The following RALGAPA2 variants were observed in gnomAD, a reference collection of about 807,000 sequenced individuals.
The protein encoded by RALGAPA2 is Ral GTPase activating protein catalytic subunit alpha 2, also known as ral GTPase-activating protein subunit alpha-2.
A neutral mutation model predicts 230.4 loss-of-function variants in RALGAPA2; 139 were observed. That is an observed-to-expected ratio of 0.60 (90% CI 0.53 to 0.69). The LOEUF is 0.69. Among genes scored for constraint, RALGAPA2 ranks in the 30% least tolerant of loss-of-function variants. The pLI, the probability that RALGAPA2 is intolerant of heterozygous loss-of-function variation, is 0.00. For missense variants in RALGAPA2, 2,163 were observed against 2,276.0 expected (o/e 0.95, Z 1.01); for synonymous variants, 847 against 837.8 (o/e 1.01, Z -0.19).
chr20:20,712,280 A>G lies in RALGAPA2; in HGVS notation c.106+95T>C. On this transcript the variant is annotated intron_variant, in intron 1 of 39. Transcript: ENST00000202677. This position sits in a 1 kb window ranked among gnomAD's most constrained non-coding sequence, Gnocchi z 5.5. The stretch of plus-strand genomic sequence containing the variant: ...CGGACGCCCACCCATCCCCCTCCCC[A>G]GCCTCCCAGCCACCGACCCCTGCAC... 2.5e-6 allele frequency: 1 copy of G among 392,470 alleles called. No individual in the cohort carries two copies. Among genetic ancestry groups the G allele is most frequent in the Non-Finnish European group, 4.4e-6 (1 of 227,788 alleles). 24.3% of individuals were successfully genotyped at this position (392,470 alleles called of 1,614,324 possible).
intron 34 of RALGAPA2, 54 bp downstream of exon 34, chr20:20,505,357 A>G: frequency 1.3e-6 from 2 of 1,485,712 alleles, no homozygotes; most frequent in Non-Finnish European, 9.0e-7. Context: ...TCTAGTTTGG[A>G]CACATCTTTA....
chr20:20,517,665 C>T (rs561873425), intron 31 of RALGAPA2, among the ~76,000 whole-genome samples: 1 of 152,202 alleles, frequency 6.6e-6, no homozygotes, highest in African/African-American at 2.4e-5. Flanking sequence ...AAAACTACTA[C>T]AATCAGCATC....
intron 9 of RALGAPA2, among the ~76,000 whole-genome samples, chr20:20,634,970 G>A (rs2066808098): frequency 6.6e-6 from 1 of 152,206 alleles, no homozygotes; most frequent in Non-Finnish European, 1.5e-5. Flanking sequence ...ATCCTGAGCT[G>A]CTGATCTACT....
intron 37 of RALGAPA2, among the ~76,000 whole-genome samples, chr20:20,415,419 CT>C (rs1232040950): frequency 6.6e-6 from 1 of 152,178 alleles, no homozygotes; most frequent in African/African-American, 2.4e-5. Context: ...TAATTCTGTT[CT>C]GAATTATTAT....
intron 15 of RALGAPA2, 124 bp downstream of exon 15, chr20:20,605,049 TTA>T: frequency 1.4e-6 from 1 of 732,052 alleles, no homozygotes; most frequent in Non-Finnish European, 2.3e-6. Flanking sequence ...AATGCCACTA[TTA>T]AGAAGACACT....
intron 4 of RALGAPA2, among the ~76,000 whole-genome samples, chr20:20,651,865 A>G (rs1306522529): frequency 6.6e-6 from 1 of 152,248 alleles, no homozygotes; most frequent in African/African-American, 2.4e-5. Flanking sequence ...ATTGTCAGCC[A>G]TTCCTACGGT....
intron 24 of RALGAPA2, among the ~76,000 whole-genome samples, chr20:20,542,774 G>T (rs1054229160): frequency 3.3e-5 from 5 of 152,050 alleles, no homozygotes; most frequent in Admixed American, 3.3e-4. Flanking sequence ...ACATATTAAA[G>T]ATTTAAACAT....
Position 20,640,817 on chromosome 20 carries a change from GCA to G in RALGAPA2, c.432_433del (p.Ala145ArgfsTer35), listed in dbSNP as rs778626253. On this transcript the variant is annotated frameshift_variant, in exon 6 of 40. Transcript: ENST00000202677. LOFTEE classifies it high-confidence loss of function. ...AGCAAAAATCAGAACCTGCTCTTCT[GCA>G]CAGTTTGTCTGAAGTGCTTGAAGCC... 9 of 1,613,606 alleles carry G rather than the reference GCA, an allele frequency of 5.6e-6. No individual in the cohort carries two copies. Among genetic ancestry groups the G allele is most frequent in the Non-Finnish European group, 7.6e-6 (9 of 1,179,746 alleles).
chr20:20,394,197 C>T (rs888008655), intron 39 of RALGAPA2, among the ~76,000 whole-genome samples: 1 of 152,138 alleles, frequency 6.6e-6, no homozygotes, highest in African/African-American at 2.4e-5. Flanking sequence ...CTCTGACCTT[C>T]CCTTATTGTT....
In RALGAPA2 at chr20:20,712,280, AGCC is replaced by A; in HGVS notation, c.106+92_106+94del. ...CGGACGCCCACCCATCCCCCTCCCC[AGCC>A]TCCCAGCCACCGACCCCTGCACAGA... On this transcript the variant is annotated intron_variant, in intron 1 of 39. Coordinates refer to ENST00000202677, the MANE Select transcript of RALGAPA2 (RefSeq NM_020343.4). The surrounding 1 kb of genome is among the most constrained non-coding windows in gnomAD (Gnocchi z 5.5). 1 of 392,468 alleles carries A rather than the reference AGCC, an allele frequency of 2.5e-6. No individual in the cohort carries two copies. Among genetic ancestry groups the A allele is most frequent in the Non-Finnish European group, 4.4e-6 (1 of 227,788 alleles). The allele number at this position is 392,468 out of a possible 1,614,324, so 24.3% of individuals were successfully genotyped here. A position where few individuals can be genotyped will look rare whatever the true frequency, so the allele number is the denominator to read the frequency against.
chr20:20,458,489 T>TA (rs1302877039), intron 37 of RALGAPA2, among the ~76,000 whole-genome samples: 1 of 138,898 alleles, frequency 7.2e-6, no homozygotes, highest in African/African-American at 2.7e-5. Context: ...ATATATGTAT[T>TA]TTATATATAT....
Position 20,395,091 on chromosome 20 carries a change from C to G in RALGAPA2, c.*35+1604G>C, listed in dbSNP as rs8115956. The stretch of plus-strand genomic sequence containing the variant: ...ATGGACAGAGGAATGCCAGCTTTGT[C>G]CCGCTGAGTGAGCCTGGAGAACAGC... On this transcript the variant is annotated intron_variant, in intron 39 of 39. Transcript: ENST00000202677. 6.1e-3 allele frequency among the ~76,000 whole-genome samples: 928 copies of G among 152,316 alleles called. 12 individuals are homozygous for G. Among genetic ancestry groups the G allele is most frequent in the African/African-American group, 0.021 (891 of 41,574 alleles).
intron 36 of RALGAPA2, among the ~76,000 whole-genome samples, chr20:20,490,310 T>C (rs2062017721): frequency 6.6e-6 from 1 of 152,210 alleles, no homozygotes; most frequent in Non-Finnish European, 1.5e-5. Context: ...AAATGACAGA[T>C]GCCTTTTCAC....
chr20:20,707,803 C>T (rs564883156), intron 1 of RALGAPA2, among the ~76,000 whole-genome samples: 20 of 151,992 alleles, frequency 1.3e-4, no homozygotes, highest in African/African-American at 4.6e-4. Flanking sequence ...ACCTACCCTA[C>T]CCCTGGCCTA....
At chr20:20,663,868 AGG>A (rs1401036508) in intron 3 of RALGAPA2, among the ~76,000 whole-genome samples, 2 of 152,220 alleles carry the variant, frequency 1.3e-5, no homozygotes, top group African/African-American at 4.8e-5. Flanking sequence ...CTGGGATTAC[AGG>A]CATGAACCAC....
intron 37 of RALGAPA2, among the ~76,000 whole-genome samples, chr20:20,467,678 C>A (rs6137037): frequency 6.6e-6 from 1 of 152,074 alleles, no homozygotes; most frequent in Non-Finnish European, 1.5e-5. Context: ...ATAGAGAAGA[C>A]GGAAGTCATT....
chr20:20,437,500 G>C lies in RALGAPA2; in HGVS notation c.5496-25352C>G, dbSNP rs1481639272. Among the ~76,000 whole-genome samples the C allele has an allele frequency of 6.6e-6, 1 of 152,212 alleles. No individual in the cohort carries two copies. The highest frequency in any genetic ancestry group is 1.5e-5 in the Non-Finnish European group (1 of 68,038). ...TGGCTCCCACCTCACAGGAAAAGCGGAAGTCCTTACTGTGGCTGGCAAGGC... is the reference window on the plus strand; with the variant it reads ...TGGCTCCCACCTCACAGGAAAAGCGCAAGTCCTTACTGTGGCTGGCAAGGC... On this transcript the variant is annotated intron_variant, in intron 37 of 39. Coordinates refer to ENST00000202677, the MANE Select transcript of RALGAPA2 (RefSeq NM_020343.4). This position sits in a 1 kb window ranked among gnomAD's most constrained non-coding sequence, Gnocchi z 4.1.
chr20:20,591,389 AT>A, intron 16 of RALGAPA2, 75 bp from the exon 17 acceptor site: 1 of 1,439,884 alleles, frequency 6.9e-7, no homozygotes, highest in Non-Finnish European at 9.4e-7. Flanking sequence ...AAAACAACCG[AT>A]TTAAAAAATA....
At chr20:20,418,177 C>T (rs2060204708) in intron 37 of RALGAPA2, among the ~76,000 whole-genome samples, 1 of 152,166 alleles carries the variant, frequency 6.6e-6, no homozygotes. Flanking sequence ...CCGAGCAAAT[C>T]CATAAGAGAA....
Sources: allele counts gnomAD v4.1 joint callset (sites outside exome capture counted in the v4.1 genomes callset), GRCh38; gene constraint gnomAD v4.1.1; non-coding constraint Gnocchi (gnomAD v3.1); transcripts MANE v1.5; gene names NCBI Gene and HGNC (gene_info 2026-07-23, HGNC 2026-07-21).